The following KCTD8 variants were observed in gnomAD, a reference collection of about 807,000 sequenced individuals.
KCTD8 encodes the protein BTB/POZ domain-containing protein KCTD8.
Under a neutral mutation model 31.5 loss-of-function variants are expected in KCTD8, and 27 were observed. The observed-to-expected ratio is 0.86, with a 90% CI of 0.63 to 1.18. The LOEUF (loss-of-function observed/expected upper bound fraction) is 1.18, where lower values mean the gene tolerates loss of function less well. KCTD8 is among the 50% of genes most tolerant of loss of function. KCTD8 has a pLI of 0.00. For missense variants in KCTD8, 658 were observed against 647.7 expected (o/e 1.02, Z -0.17); for synonymous variants, 290 against 280.0 (o/e 1.04, Z -0.36).
intron 1 of KCTD8, among the ~76,000 whole-genome samples, chr4:44,284,781 A>T (rs568834015): frequency 6.6e-6 from 1 of 152,326 alleles, no homozygotes; most frequent in Admixed American, 6.5e-5. Flanking sequence ...ACAAGAAAAA[A>T]GCAAACAGCC....
intron 1 of KCTD8, among the ~76,000 whole-genome samples, chr4:44,309,153 A>G (rs935510062): frequency 4.6e-5 from 7 of 152,156 alleles, no homozygotes; most frequent in African/African-American, 1.7e-4. Flanking sequence ...CTCATGCCTC[A>G]GTCCTCCAAA....
chr4:44,233,961 G>A (rs1431129505), intron 1 of KCTD8, among the ~76,000 whole-genome samples: 1 of 152,058 alleles, frequency 6.6e-6, no homozygotes, highest in Non-Finnish European at 1.5e-5. Context: ...TTAGCTCTGT[G>A]CCTTAGTTTT....
intron 1 of KCTD8, among the ~76,000 whole-genome samples, chr4:44,247,170 C>A (rs1478377755): frequency 6.6e-6 from 1 of 151,904 alleles, no homozygotes; most frequent in African/African-American, 2.4e-5. Context: ...CCATGCTATG[C>A]CTCTTCCAAT....
chr4:44,385,899 A>G (rs369865533), intron 1 of KCTD8, among the ~76,000 whole-genome samples: 9 of 151,764 alleles, frequency 5.9e-5, no homozygotes, highest in African/African-American at 2.2e-4. Context: ...CAGTACTTGA[A>G]TAGACATTTC....
Position 44,185,747 on chromosome 4 carries a change from CT to C in KCTD8, c.962-10498del, listed in dbSNP as rs759637393. Among the ~76,000 whole-genome samples, 1,395 of 144,626 alleles carry C rather than the reference CT, an allele frequency of 9.6e-3. 19 individuals are homozygous for C. Among genetic ancestry groups the C allele is most frequent in the African/African-American group, 0.025 (1,001 of 39,570 alleles). 94.9% of individuals were successfully genotyped at this position (144,626 alleles called of 152,430 possible). Reference sequence around the variant, plus strand: ...GGATGTAATTCCTTGTGATTTCCTGCTTTTTTTTTTTTAATAACCCATAGTT... The same window carrying C: ...GGATGTAATTCCTTGTGATTTCCTGCTTTTTTTTTTTAATAACCCATAGTT... On this transcript the variant is annotated intron_variant, in intron 1 of 1. Transcript: ENST00000360029.
intron 1 of KCTD8, among the ~76,000 whole-genome samples, chr4:44,331,050 T>C (rs1718579698): frequency 6.6e-6 from 1 of 151,880 alleles, no homozygotes; most frequent in African/African-American, 2.4e-5. Flanking sequence ...ACATGTTAAA[T>C]ATTCTTTCAT....
chr4:44,277,626 C>T (rs983582314), intron 1 of KCTD8, among the ~76,000 whole-genome samples: 3 of 151,734 alleles, frequency 2.0e-5, no homozygotes, highest in African/African-American at 4.8e-5. Flanking sequence ...GAACTAGACC[C>T]CTGTTTTTCC....
At chr4:44,219,090 T>G (rs1160998603) in intron 1 of KCTD8, among the ~76,000 whole-genome samples, 1 of 152,166 alleles carries the variant, frequency 6.6e-6, no homozygotes, top group African/African-American at 2.4e-5. Flanking sequence ...AGGAACCAAA[T>G]CTGAAAATAT....
intron 1 of KCTD8, among the ~76,000 whole-genome samples, chr4:44,349,955 T>C (rs1719155855): frequency 6.6e-6 from 1 of 152,160 alleles, no homozygotes; most frequent in Admixed American, 6.6e-5. Context: ...ACTTCAGAGC[T>C]AGAGAGAGAC....
chr4:44,291,690 C>A (rs767619463), intron 1 of KCTD8, among the ~76,000 whole-genome samples: 3 of 151,918 alleles, frequency 2.0e-5, no homozygotes, highest in African/African-American at 4.8e-5. Flanking sequence ...AGCAGACAAC[C>A]TACAGAATGG....
chr4:44,238,707 C>T (rs1715362061), intron 1 of KCTD8, among the ~76,000 whole-genome samples: 1 of 152,058 alleles, frequency 6.6e-6, no homozygotes, highest in African/African-American at 2.4e-5. Context: ...TTTTCTGTTT[C>T]TCAAAAATGT....
intron 1 of KCTD8, among the ~76,000 whole-genome samples, chr4:44,299,191 G>A (rs1302697470): frequency 6.6e-6 from 1 of 152,012 alleles, no homozygotes; most frequent in Admixed American, 6.6e-5. Context: ...ATCACCCAAA[G>A]GTAAGCATTG....
intron 1 of KCTD8, among the ~76,000 whole-genome samples, chr4:44,434,809 C>G (rs1476500477): frequency 6.6e-6 from 1 of 151,890 alleles, no homozygotes; most frequent in Non-Finnish European, 1.5e-5. Flanking sequence ...GTGAAATTAT[C>G]GCCCTTAACT....
chr4:44,436,092 A>G (rs1441619686), intron 1 of KCTD8, among the ~76,000 whole-genome samples: 2 of 152,108 alleles, frequency 1.3e-5, no homozygotes, highest in South Asian at 2.1e-4. Context: ...GTTACAATGG[A>G]GGGATTTGAC....
rs563300031 is a variant in KCTD8 at position 44,426,669 on chromosome 4, G to A, written c.961+20894C>T. On this transcript the variant is annotated intron_variant, in intron 1 of 1. Transcript: ENST00000360029. ...ATTGGTATAAAAGGAAATTAAAAAC[G>A]AATATATTTATAAGTATTAAAGAAC... 7.2e-5 allele frequency among the ~76,000 whole-genome samples: 11 copies of A among 151,742 alleles called. No homozygotes were observed. In the East Asian group the frequency reaches 1.5e-3, roughly 21 times the overall value.
At chr4:44,311,515 C>A (rs954774445) in intron 1 of KCTD8, among the ~76,000 whole-genome samples, 1 of 151,978 alleles carries the variant, frequency 6.6e-6, no homozygotes, top group Non-Finnish European at 1.5e-5. Context: ...AAATTCAAGT[C>A]ATCAGCAGAT....
chr4:44,348,901 T>C (rs558324954), intron 1 of KCTD8, among the ~76,000 whole-genome samples: 26 of 152,290 alleles, frequency 1.7e-4, no homozygotes, highest in African/African-American at 6.0e-4. Flanking sequence ...TCCCTCTTAC[T>C]ACCCTTGAGC....
At position 44,181,975 on chromosome 4, in the gene KCTD8, G is replaced by A. The variant is rs537759667; in HGVS notation, c.962-6725C>T. On this transcript the variant is annotated intron_variant, in intron 1 of 1. Coordinates refer to ENST00000360029, the MANE Select transcript of KCTD8 (RefSeq NM_198353.3). ...TGAGAAGTGAGGAGCCCCTCCGCCCGGCAGCCGCCCCATCTGAGAAGTGAG... is the reference window on the plus strand; with the variant it reads ...TGAGAAGTGAGGAGCCCCTCCGCCCAGCAGCCGCCCCATCTGAGAAGTGAG... Among the ~76,000 whole-genome samples the A allele has an allele frequency of 3.3e-5, 5 of 151,818 alleles. No individual in the cohort carries two copies. In the South Asian group the frequency reaches 6.3e-4, roughly 19 times the overall value.
rs760769099 is a variant in KCTD8, at chr4:44,448,459, G to C, written c.65C>G (p.Ser22Trp). The C allele has an allele frequency of 1.9e-6, 3 of 1,545,976 alleles. No individual in the cohort carries two copies. The highest frequency in any genetic ancestry group is 2.8e-5 in the African/African-American group (2 of 71,984). The change falls in exon 1 of 2, where the codon TCG (serine) becomes TGG (tryptophan). Residue 22 changes from serine (S) to tryptophan (W), a missense_variant. By Grantham distance (177) the Ser-to-Trp change is radical. Transcript: ENST00000360029. This position sits in a 1 kb window ranked among gnomAD's most constrained non-coding sequence, Gnocchi z 4.1. Reference sequence around the variant, plus strand: ...GGCCGACGCGCCGGGCGAGCTGGACGAGGAAACCATCTCGCTAATGGGCAG... The same window carrying C: ...GGCCGACGCGCCGGGCGAGCTGGACCAGGAAACCATCTCGCTAATGGGCAG... ...TILPISEMVSSSSSPGASAAA... is the reference protein window; with the variant it reads ...TILPISEMVSWSSSPGASAAA...
Sources: allele counts gnomAD v4.1 joint callset (sites outside exome capture counted in the v4.1 genomes callset), GRCh38; gene constraint gnomAD v4.1.1; non-coding constraint Gnocchi (gnomAD v3.1); transcripts MANE v1.5; gene names NCBI Gene and HGNC (gene_info 2026-07-23, HGNC 2026-07-21).